Variants in ATP7B observed in about 807,000 individuals in gnomAD.
ATP7B encodes the protein ATPase copper transporting beta.
ATP7B carries 113 observed loss-of-function variants against 118.9 expected under a neutral mutation model. The observed-to-expected ratio is 0.95, with a 90% CI of 0.82 to 1.11. The LOEUF (loss-of-function observed/expected upper bound fraction) is 1.11, where lower values mean the gene tolerates loss of function less well. Ranked by LOEUF, ATP7B falls within the 50% of genes most tolerant of loss-of-function variation. The pLI, the probability that ATP7B is intolerant of heterozygous loss-of-function variation, is 0.00. For synonymous variants in ATP7B, 777 were observed against 727.4 expected (o/e 1.07, Z -1.10); for missense variants, 1,867 against 1,871.4 (o/e 1.00, Z 0.04).
intron 1 of ATP7B, among the ~76,000 whole-genome samples, chr13:51,987,552 G>T (rs1380386219): frequency 6.6e-6 from 1 of 152,146 alleles, no homozygotes; most frequent in African/African-American, 2.4e-5. Context: ...CACAGAATTA[G>T]AAAAAACTAC....
intron 2 of ATP7B, among the ~76,000 whole-genome samples, chr13:51,971,053 A>AT (rs1397289396): frequency 2.6e-5 from 4 of 152,152 alleles, no homozygotes; most frequent in Non-Finnish European, 5.9e-5. Context: ...CTTATCTTTC[A>AT]TTTCCTTCAG....
chr13:51,998,645 C>T (rs1953335808), intron 1 of ATP7B, among the ~76,000 whole-genome samples: 1 of 152,124 alleles, frequency 6.6e-6, no homozygotes, highest in South Asian at 2.1e-4. Flanking sequence ...AGCCATTTTC[C>T]AGAAGAAAAT....
At chr13:51,945,435 C>T (rs982099078) in intron 13 of ATP7B, among the ~76,000 whole-genome samples, 1 of 152,126 alleles carries the variant, frequency 6.6e-6, no homozygotes, top group African/African-American at 2.4e-5. Context: ...AGGTGCTTTC[C>T]ACCTTCTGTC....
rs112898565 is a variant in ATP7B at position 51,957,285 on chromosome 13, A to G, written c.2447+231T>C. On this transcript the variant is annotated intron_variant, in intron 9 of 20. Transcript: ENST00000242839. ...TCCTCTTCTTAATTCCTGGAATACT[A>G]ATCATCTACACCTCCCATGTGCCAT... 3.4e-3 allele frequency among the ~76,000 whole-genome samples: 515 copies of G among 152,230 alleles called. 2 individuals are homozygous for G. Among genetic ancestry groups the G allele is most frequent in the African/African-American group, 0.012 (494 of 41,528 alleles).
In ATP7B at chr13:51,934,796, G is replaced by C; in HGVS notation, c.4358C>G (p.Ser1453Cys). 6.2e-7 allele frequency: 1 copy of C among 1,614,152 alleles called. No homozygotes were observed. The highest frequency in any genetic ancestry group is 8.5e-7 in the Non-Finnish European group (1 of 1,180,044). The part of the protein sequence containing the change: ...AAADDDGDKW[S>C]LLLNGRDEEQ... ...CTCATCCCTGCCATTCAGGAGCAGA[G>C]ACCACTTGTCCCCATCATCGTCTGC... is the stretch of plus-strand genomic sequence containing the variant. Residue 1453 changes from serine to cysteine, a missense_variant, in exon 21 of 21, where the codon TCT becomes TGT. Transcript: ENST00000242839.
At chr13:51,939,294 A>G (rs997854798) in intron 16 of ATP7B, 101 bp from the exon 17 acceptor site, 1 of 1,531,704 alleles carries the variant, frequency 6.5e-7, no homozygotes, top group African/African-American at 1.4e-5. Context: ...TATGTGCAAA[A>G]AACAAAACAT....
chr13:51,993,697 T>C (rs1953053515), intron 1 of ATP7B, among the ~76,000 whole-genome samples: 1 of 152,246 alleles, frequency 6.6e-6, no homozygotes, highest in Admixed American at 6.5e-5. Context: ...TTGGAAATTC[T>C]TCTGAAAAAG....
intron 1 of ATP7B, 65 bp from the exon 2 acceptor site, chr13:51,975,233 T>A: frequency 6.3e-7 from 1 of 1,578,310 alleles, no homozygotes; most frequent in Non-Finnish European, 8.7e-7. Flanking sequence ...CATCCCAGCT[T>A]CTCTGGCACT....
chr13:51,957,751 G>A (rs773791421), intron 8 of ATP7B, 144 bp from the exon 9 acceptor site: 13 of 740,774 alleles, frequency 1.8e-5, no homozygotes, highest in African/African-American at 5.2e-5. Context: ...GCAGGTGGGC[G>A]TTACTTGCTA....
At chr13:51,997,240 A>G (rs1566658478) in intron 1 of ATP7B, among the ~76,000 whole-genome samples, 1 of 152,198 alleles carries the variant, frequency 6.6e-6, no homozygotes, top group Non-Finnish European at 1.5e-5. Context: ...CATCGCTTTG[A>G]GCATTAGATT....
At chr13:51,996,126 T>C (rs1953194781) in intron 1 of ATP7B, among the ~76,000 whole-genome samples, 1 of 152,190 alleles carries the variant, frequency 6.6e-6, no homozygotes, top group Non-Finnish European at 1.5e-5. Context: ...CAACATGACT[T>C]GTATTTTCAA....
At position 51,958,432 on chromosome 13, in the gene ATP7B, A is replaced by G. The variant is rs1362773192; in HGVS notation, c.2234T>C (p.Leu745Pro). 3.7e-6 allele frequency: 6 copies of G among 1,614,224 alleles called. No individual in the cohort carries two copies. Among genetic ancestry groups the G allele is most frequent in the Non-Finnish European group, 4.2e-6 (5 of 1,180,044 alleles). The change falls in exon 8 of 21, where the codon CTG becomes CCG. Residue 745 changes from leucine to proline, a missense_variant. Physicochemically the swap from Leu to Pro is moderately conservative, Grantham distance 98 (BLOSUM62 -3). Transcript: ENST00000242839. ...LATSIAYVYS[L>P]VILVVAVAEK... ...AGCCACAGCAACCACCAGGATGACCAGAGAATAAACATAAGCAATGCTTGT... is the reference window on the plus strand; with the variant it reads ...AGCCACAGCAACCACCAGGATGACCGGAGAATAAACATAAGCAATGCTTGT...
intron 1 of ATP7B, among the ~76,000 whole-genome samples, chr13:51,993,615 T>G (rs1343553505): frequency 3.3e-5 from 5 of 152,122 alleles, no homozygotes; most frequent in Non-Finnish European, 7.4e-5. Context: ...GTTGCAACTG[T>G]GCTCAGATAG....
intron 3 of ATP7B, 117 bp downstream of exon 3, chr13:51,970,375 G>A: frequency 7.0e-7 from 1 of 1,428,780 alleles, no homozygotes; most frequent in Non-Finnish European, 9.8e-7. Context: ...GCTATATAAT[G>A]AACTTGCTAC....
At position 51,936,579 on chromosome 13, in the gene ATP7B, C is replaced by T. The variant is rs566377588; in HGVS notation, c.4021+697G>A. Among the ~76,000 whole-genome samples the T allele has an allele frequency of 1.1e-4, 16 of 152,254 alleles. 1 individual carries two copies. In the South Asian group the frequency reaches 2.7e-3, roughly 26 times the overall value. On this transcript the variant is annotated intron_variant, in intron 19 of 20. Transcript: ENST00000242839. ...TTTCACTCTTGCCCAGGCTACAGTA[C>T]AGTGGTGCGATCATGGGTCACTGCC...
At chr13:51,953,795 A>G (rs1364632004) in intron 9 of ATP7B, among the ~76,000 whole-genome samples, 1 of 146,656 alleles carries the variant, frequency 6.8e-6, no homozygotes, top group African/African-American at 2.5e-5. Context: ...GAAAAAACTT[A>G]TAGCATTATG....
Position 51,950,277 on chromosome 13 carries a change from A to G in ATP7B, c.2570T>C (p.Ile857Thr), listed in dbSNP as rs1057520235. The change falls in exon 10 of 21, where the codon ATC (isoleucine) becomes ACC (threonine). Residue 857 changes from isoleucine to threonine, a missense_variant. Transcript: ENST00000242839. ...EGNTMADESL[I>T]TGEAMPVTKK... The stretch of plus-strand genomic sequence containing the variant: ...CATGAAACAAGCCATCTCACCTGTG[A>G]TGAGGGACTCATCAGCCATGGTATT... The G allele has an allele frequency of 1.9e-6, 3 of 1,614,166 alleles. No individual in the cohort carries two copies. The highest frequency in any genetic ancestry group is 2.5e-6 in the Non-Finnish European group (3 of 1,180,014).
intron 1 of ATP7B, among the ~76,000 whole-genome samples, chr13:51,981,164 A>G (rs1952397999): frequency 6.6e-6 from 1 of 152,228 alleles, no homozygotes; most frequent in Admixed American, 6.5e-5. Flanking sequence ...CTGCTGAGAA[A>G]TCCGAGAGGC....
intron 20 of ATP7B, 151 bp from the exon 21 acceptor site, chr13:51,935,180 A>G: frequency 3.4e-6 from 4 of 1,181,872 alleles, no homozygotes; most frequent in Non-Finnish European, 4.7e-6. Flanking sequence ...TAAACTCCCT[A>G]TGGTTCCAGG....
Sources: gnomAD v4.1 joint callset for allele counts (sites outside exome capture counted in the v4.1 genomes callset) on GRCh38, gnomAD v4.1.1 for gene constraint, MANE v1.5 for transcripts, NCBI Gene and HGNC (gene_info 2026-07-23, HGNC 2026-07-21) for gene names.